Variants in MBNL1 observed in about 807,000 individuals in gnomAD.
MBNL1 encodes the protein muscleblind like splicing regulator 1.
A neutral mutation model predicts 42.2 loss-of-function variants in MBNL1; 8 were observed. The observed-to-expected ratio is 0.19, with a 90% CI of 0.11 to 0.34. The LOEUF is 0.34. Among genes scored for constraint, MBNL1 ranks in the 10% least tolerant of loss-of-function variants. The probability of loss-of-function intolerance (pLI) is 1.00; values close to 1 mark genes in which losing one functional copy is unlikely to be tolerated. For missense variants in MBNL1, 309 were observed against 495.3 expected (o/e 0.62, Z 3.57); for synonymous variants, 169 against 173.9 (o/e 0.97, Z 0.22).
intron 2 of MBNL1, among the ~76,000 whole-genome samples, chr3:152,374,395 T>C (rs1310409536): frequency 1.3e-5 from 2 of 152,218 alleles, no homozygotes; most frequent in African/African-American, 4.8e-5. Context: ...AAGTATGTAT[T>C]ACTACTTTCT....
intron 2 of MBNL1, among the ~76,000 whole-genome samples, chr3:152,375,649 A>G (rs763575353): frequency 6.6e-6 from 1 of 152,008 alleles, no homozygotes; most frequent in Non-Finnish European, 1.5e-5. Context: ...TCTTCTCAAT[A>G]TCTACAAACA....
intron 2 of MBNL1, among the ~76,000 whole-genome samples, chr3:152,345,024 A>G (rs2093996967): frequency 6.6e-6 from 1 of 151,964 alleles, no homozygotes; most frequent in Admixed American, 6.6e-5. Context: ...CCTGAATTGT[A>G]TGTAGGTCTA....
At chr3:152,343,435 C>G (rs184252801) in intron 2 of MBNL1, among the ~76,000 whole-genome samples, 1 of 152,244 alleles carries the variant, frequency 6.6e-6, no homozygotes, top group East Asian at 1.9e-4. Context: ...AGATTCTGAA[C>G]ACCTTGAGGT....
At chr3:152,254,598 G>T (rs370015051) in intron 2 of MBNL1, among the ~76,000 whole-genome samples, 16 of 151,908 alleles carry the variant, frequency 1.1e-4, no homozygotes, top group African/African-American at 3.6e-4. Context: ...TCTTGAAATG[G>T]ATTATAAAAC....
intron 9 of MBNL1, among the ~76,000 whole-genome samples, chr3:152,461,658 C>T (rs1318960916): frequency 1.3e-5 from 2 of 152,096 alleles, no homozygotes; most frequent in Non-Finnish European, 2.9e-5. Flanking sequence ...TTTTGAGTCA[C>T]TAGATTATGA....
chr3:152,458,152 C>G, intron 8 of MBNL1: 1 of 1,613,952 alleles, frequency 6.2e-7, no homozygotes, highest in African/African-American at 1.3e-5. Context: ...TGCTTCTACA[C>G]TGTTGGGTGC....
intron 1 of MBNL1, among the ~76,000 whole-genome samples, chr3:152,294,512 C>T (rs2057685366): frequency 6.6e-6 from 1 of 152,052 alleles, no homozygotes; most frequent in African/African-American, 2.4e-5. Context: ...TCTTGATCTC[C>T]TGACCTCGTG....
chr3:152,280,344 G>A (rs1012592703), intron 1 of MBNL1, among the ~76,000 whole-genome samples: 2 of 152,104 alleles, frequency 1.3e-5, no homozygotes, highest in Admixed American at 6.6e-5. Context: ...TGTATATATT[G>A]GAGAAGAGAC....
rs116909865 is a variant in MBNL1, at chr3:152,340,087, A to G, written c.174+39720A>G. The G allele has an allele frequency of 5.5e-3, 854 of 154,304 alleles. 16 individuals carry two copies. Among genetic ancestry groups the G allele is most frequent in the East Asian group, 0.049 (254 of 5,224 alleles). 9.6% of individuals were successfully genotyped at this position (154,304 alleles called of 1,614,324 possible). ...CAATTTGGGACGTCAAGACCAGAGGATTGCCTGAGGCTGTAAGACCAGCCT... is the reference window on the plus strand; with the variant it reads ...CAATTTGGGACGTCAAGACCAGAGGGTTGCCTGAGGCTGTAAGACCAGCCT... On this transcript the variant is annotated intron_variant, in intron 2 of 9. Coordinates refer to ENST00000324210, the MANE Select transcript of MBNL1 (RefSeq NM_021038.5).
chr3:152,352,716 C>T (rs561673178), intron 2 of MBNL1, among the ~76,000 whole-genome samples: 1 of 152,274 alleles, frequency 6.6e-6, no homozygotes, highest in East Asian at 1.9e-4. Flanking sequence ...GAAATGTCTC[C>T]GTTAGTAACC....
intron 2 of MBNL1, among the ~76,000 whole-genome samples, chr3:152,354,789 T>C (rs2095387224): frequency 6.6e-6 from 1 of 152,220 alleles, no homozygotes; most frequent in Admixed American, 6.5e-5. Context: ...ACTTGTTACT[T>C]AATGTCAGTT....
At chr3:152,268,897 C>T (rs751543617), upstream of MBNL1, 2 of 454,784 alleles carry the variant, frequency 4.4e-6, no homozygotes, top group South Asian at 3.1e-5. Context: ...AGCCAGACCT[C>T]GGCGATAAGA....
intron 1 of MBNL1, among the ~76,000 whole-genome samples, chr3:152,285,383 G>C (rs1172819472): frequency 6.6e-6 from 1 of 152,122 alleles, no homozygotes; most frequent in Admixed American, 6.5e-5. Context: ...ATTTAGCATA[G>C]GGATTTTAAT....
At chr3:152,396,397 G>A (rs2097938697) in intron 2 of MBNL1, among the ~76,000 whole-genome samples, 1 of 152,090 alleles carries the variant, frequency 6.6e-6, no homozygotes, top group Non-Finnish European at 1.5e-5. Flanking sequence ...AAAGGTTGGG[G>A]ACCACTGTTA....
intron 1 of MBNL1, among the ~76,000 whole-genome samples, chr3:152,280,414 CT>C: frequency 6.6e-6 from 1 of 152,212 alleles, no homozygotes; most frequent in Admixed American, 6.5e-5. Flanking sequence ...TTTAGTTTTT[CT>C]GTTCAAGTAT....
chr3:152,366,617 TA>T (rs1285707995), intron 2 of MBNL1, among the ~76,000 whole-genome samples: 2 of 152,200 alleles, frequency 1.3e-5, no homozygotes, highest in African/African-American at 2.4e-5. Flanking sequence ...ATTTTGGAAA[TA>T]TAATACTTTG....
intron 2 of MBNL1, among the ~76,000 whole-genome samples, chr3:152,373,075 T>G (rs1460189213): frequency 6.6e-6 from 1 of 152,082 alleles, no homozygotes; most frequent in Non-Finnish European, 1.5e-5. Flanking sequence ...AATTCGAACT[T>G]CCCAGAAGCT....
chr3:152,440,336 C>T (rs1166009424), intron 4 of MBNL1, among the ~76,000 whole-genome samples: 2 of 152,048 alleles, frequency 1.3e-5, no homozygotes, highest in African/African-American at 2.4e-5. Context: ...GGGCAATTTA[C>T]GAAAAGAAAG....
intron 3 of MBNL1, among the ~76,000 whole-genome samples, chr3:152,425,362 G>A (rs757121709): frequency 2.0e-5 from 3 of 152,004 alleles, no homozygotes; most frequent in Admixed American, 6.6e-5. Flanking sequence ...GGTGGCTCAC[G>A]CCTGTAATCC....
Sources: gnomAD v4.1 joint callset for allele counts (sites outside exome capture counted in the v4.1 genomes callset) on GRCh38, gnomAD v4.1.1 for gene constraint, MANE v1.5 for transcripts, NCBI Gene and HGNC (gene_info 2026-07-23, HGNC 2026-07-21) for gene names.